The following ILDR1 variants were observed in gnomAD, a reference collection of about 807,000 sequenced individuals.
ILDR1 encodes immunoglobulin-like domain-containing receptor 1.
ILDR1 carries 56 observed loss-of-function variants against 62.4 expected under a neutral mutation model. That is an observed-to-expected ratio of 0.90 (90% CI 0.72 to 1.12). The LOEUF (loss-of-function observed/expected upper bound fraction) is 1.12, where lower values mean the gene tolerates loss of function less well. ILDR1 is among the 50% of genes most tolerant of loss of function. ILDR1 has a pLI of 0.00. For synonymous variants in ILDR1, 284 were observed against 277.8 expected (o/e 1.02, Z -0.22); for missense variants, 736 against 710.6 (o/e 1.04, Z -0.41).
At chr3:122,030,623 T>TCTCTCTC in the ILDR1 span, among the ~76,000 whole-genome samples, 970 of 147,628 alleles carry the variant, frequency 6.6e-3, 10 homozygotes, top group African/African-American at 0.018. Flanking sequence ...GCAAGGGTTT[T>TCTCTCTC]TCTCTCTCTC....
rs141559449 is a variant in ILDR1 at position 121,993,425 on chromosome 3, G to A, written c.1324C>T (p.Arg442Cys). 601 of 1,613,910 alleles carry A rather than the reference G, an allele frequency of 3.7e-4. 7 individuals are homozygous for A. The South Asian group carries it at 4.6e-3, about 12-fold the overall frequency. ...WRPSHPPFRSRCQERPRRPSP... is the reference protein window; with the variant it reads ...WRPSHPPFRSCCQERPRRPSP... ...GGCCTGCGGGGCCTCTCCTGACAGC[G>A]GCTCCTGAAAGGAGGGTGGCTCGGC... The change falls in exon 7 of 8, where the codon CGC becomes TGC. Residue 442 changes from arginine (R) to cysteine (C), a missense_variant. Coordinates refer to ENST00000344209, the MANE Select transcript of ILDR1 (RefSeq NM_001199799.2).
chr3:121,993,179 T>C lies in ILDR1; in HGVS notation c.1570A>G (p.Arg524Gly). Residue 524 changes from arginine to glycine, a missense_variant, in exon 7 of 8, where the codon AGG becomes GGG. Physicochemically the swap from Arg to Gly is moderately radical, Grantham distance 125. Coordinates refer to ENST00000344209, the MANE Select transcript of ILDR1 (RefSeq NM_001199799.2). ...SLDITPGKNS[R>G]KKGSVERRSE... ...CGCCTCTCCACACTCCCTTTTTTCC[T>C]GCTATTCTTGCCTGGAGTGATATCA... 2 of 1,610,772 alleles carry C rather than the reference T, an allele frequency of 1.2e-6. No homozygotes were observed. Among genetic ancestry groups the C allele is most frequent in the East Asian group, 2.2e-5 (1 of 44,762 alleles).
chr3:122,022,463 C>A (rs1272010039), upstream of ILDR1, among the ~76,000 whole-genome samples: 4 of 152,218 alleles, frequency 2.6e-5, no homozygotes, highest in Admixed American at 6.5e-5. Context: ...GCAAATGTAT[C>A]CCCCTCTCCT....
At chr3:122,044,346 A>C in the ILDR1 span, among the ~76,000 whole-genome samples, 5,394 of 116,054 alleles carry the variant, frequency 0.046, 680 homozygotes, top group East Asian at 0.56. Flanking sequence ...TTTTTGCATC[A>C]ATGTTCATCA....
the ILDR1 span, among the ~76,000 whole-genome samples, chr3:122,031,477 A>T: frequency 0.15 from 22,609 of 152,170 alleles, 1,721 homozygotes; most frequent in South Asian, 0.21. Context: ...GATTACATTT[A>T]TCAACTGCTA....
the ILDR1 span, among the ~76,000 whole-genome samples, chr3:122,041,910 C>CTTTTTTTTTTTTTTTT: frequency 7.1e-6 from 1 of 141,068 alleles, no homozygotes. Context: ...ATTTCTTTTT[C>CTTTTTTTTTTTTTTTT]TTTTTTTTTT....
chr3:122,055,389 G>GT, the ILDR1 span: 1 of 1,163,876 alleles, frequency 8.6e-7, no homozygotes, highest in South Asian at 1.2e-5. Flanking sequence ...GCTTGCACAG[G>GT]GTGAAAGCTT....
Position 121,993,257 on chromosome 3 carries a change from C to T in ILDR1, c.1492G>A (p.Gly498Ser), listed in dbSNP as rs766963403. The change falls in exon 7 of 8, where the codon GGC (glycine) becomes AGC (serine). Residue 498 changes from glycine (G) to serine (S), a missense_variant. Gly to Ser is a moderately conservative substitution (Grantham distance 56). Transcript: ENST00000344209. ...TCGGGCCAGTGTGGGGAGTGCGAGC[C>T]GCGGCGGTGGGCCCGCCAGCTCTGG... ...QPQSWRAHRRGSHSPHWPEEK... is the reference protein window; with the variant it reads ...QPQSWRAHRRSSHSPHWPEEK... 8.7e-6 allele frequency: 14 copies of T among 1,613,570 alleles called. No individual in the cohort carries two copies. Among genetic ancestry groups the T allele is most frequent in the Middle Eastern group, 1.6e-4 (1 of 6,062 alleles).
At chr3:121,995,127 G>T (rs542389780) in intron 5 of ILDR1, among the ~76,000 whole-genome samples, 1 of 152,268 alleles carries the variant, frequency 6.6e-6, no homozygotes, top group East Asian at 1.9e-4. Flanking sequence ...CATACAACCC[G>T]CAGTGAGTAC....
the ILDR1 span, among the ~76,000 whole-genome samples, chr3:122,037,529 G>A: frequency 6.6e-6 from 1 of 152,170 alleles, no homozygotes; most frequent in South Asian, 2.1e-4. Flanking sequence ...ATTTGGAATG[G>A]GAGCATTTAC....
Position 122,005,320 on chromosome 3 carries a change from T to C in ILDR1, c.303A>G (p.Ile101Met). ...DCNDNQREVR[I>M]VAQRRGQNEP... Reference sequence around the variant, plus strand: ...CATTCTGCCCCCGCCGCTGGGCCACTATGCGAACTTCCCGCTGGTTGTCGT... The same window carrying C: ...CATTCTGCCCCCGCCGCTGGGCCACCATGCGAACTTCCCGCTGGTTGTCGT... The change falls in exon 3 of 8, where the codon ATA (isoleucine) becomes ATG (methionine). Residue 101 changes from isoleucine (I) to methionine (M), a missense_variant. Coordinates refer to ENST00000344209, the MANE Select transcript of ILDR1 (RefSeq NM_001199799.2). 2 of 1,611,892 alleles carry C rather than the reference T, an allele frequency of 1.2e-6. No individual in the cohort carries two copies. Among genetic ancestry groups the C allele is most frequent in the Non-Finnish European group, 1.7e-6 (2 of 1,179,092 alleles).
intron 1 of ILDR1, 171 bp from the exon 2 acceptor site, chr3:122,007,332 G>C: frequency 6.8e-7 from 1 of 1,471,230 alleles, no homozygotes; most frequent in Non-Finnish European, 9.2e-7. Context: ...GTGGGGTGGG[G>C]TGAGAACGCA....
Position 121,993,876 on chromosome 3 carries a change from T to G in ILDR1, c.873A>C (p.Lys291Asn), listed in dbSNP as rs950410047. Reference protein sequence around the residue: ...IANGVLEYLEKELRNLNLAQP... With the variant: ...IANGVLEYLENELRNLNLAQP... ...GGGCCAGGTTGAGGTTCCGCAGTTC[T>G]TTCTCCAAATACTCCAGGACACCAT... The change falls in exon 7 of 8, where the codon AAA becomes AAC. Residue 291 changes from lysine to asparagine, a missense_variant. Lys to Asn is a moderately conservative substitution (Grantham distance 94). Coordinates refer to ENST00000344209, the MANE Select transcript of ILDR1 (RefSeq NM_001199799.2). 1 of 1,613,972 alleles carries G rather than the reference T, an allele frequency of 6.2e-7. No individual in the cohort carries two copies. Among genetic ancestry groups the G allele is most frequent in the Non-Finnish European group, 8.5e-7 (1 of 1,180,022 alleles).
chr3:121,990,691 G>C (rs1337623317), intron 7 of ILDR1, among the ~76,000 whole-genome samples: 1 of 152,154 alleles, frequency 6.6e-6, no homozygotes, highest in Non-Finnish European at 1.5e-5. Context: ...CTGGGCTCAA[G>C]TGATCCTCCT....
At chr3:122,019,263 G>A (rs991129333) in intron 1 of ILDR1, among the ~76,000 whole-genome samples, 1 of 152,202 alleles carries the variant, frequency 6.6e-6, no homozygotes, top group African/African-American at 2.4e-5. Context: ...TATTGTTAAT[G>A]TGGGGATGAT....
the ILDR1 span, among the ~76,000 whole-genome samples, chr3:122,047,688 T>C: frequency 0.99 from 151,389 of 152,252 alleles, 75,271 homozygotes; most frequent in East Asian, 1. Flanking sequence ...CAGGTGCGTC[T>C]GTCACCCCTT....
chr3:122,043,167 T>C, the ILDR1 span, among the ~76,000 whole-genome samples: 8 of 137,008 alleles, frequency 5.8e-5, no homozygotes, highest in Admixed American at 1.5e-4. Context: ...ATTTATTAAA[T>C]AGGGAATCCT....
chr3:122,043,373 G>T, the ILDR1 span, among the ~76,000 whole-genome samples: 60 of 139,122 alleles, frequency 4.3e-4, no homozygotes, highest in East Asian at 6.4e-4. Context: ...TTGTTCTTTT[G>T]GCTTAGGATT....
In ILDR1 at chr3:121,994,197, G is replaced by A. The variant is rs1015996041; in HGVS notation, c.763C>T (p.Pro255Ser). The change falls in exon 6 of 8, where the codon CCG becomes TCG. Residue 255 changes from proline to serine, a missense_variant. By Grantham distance (74) the Pro-to-Ser change is moderately conservative (BLOSUM62 -1). Coordinates refer to ENST00000344209, the MANE Select transcript of ILDR1 (RefSeq NM_001199799.2). ...AAGAGTTTACCTCGCTGCAGCAGCGGGTGCATTGGATAAGATGAAACCTGG... is the reference window on the plus strand; with the variant it reads ...AAGAGTTTACCTCGCTGCAGCAGCGAGTGCATTGGATAAGATGAAACCTGG... Reference protein sequence around the residue: ...SSQVSSYPMHPLLQRDLSLPS... With the variant: ...SSQVSSYPMHSLLQRDLSLPS... The A allele has an allele frequency of 6.5e-6, 10 of 1,536,090 alleles. No individual in the cohort carries two copies. The highest frequency in any genetic ancestry group is 3.9e-5 in the Admixed American group (2 of 51,004).
Sources: allele counts gnomAD v4.1 joint callset (sites outside exome capture counted in the v4.1 genomes callset), GRCh38; gene constraint gnomAD v4.1.1; transcripts MANE v1.5; gene names NCBI Gene and HGNC (gene_info 2026-07-23, HGNC 2026-07-21).